The following REXO1 variants were observed in gnomAD, a reference collection of about 807,000 sequenced individuals.
The protein encoded by REXO1 is REX1, RNA exonuclease 1 homolog.
A neutral mutation model predicts 102.6 loss-of-function variants in REXO1; 42 were observed. That is an observed-to-expected ratio of 0.41 (90% CI 0.32 to 0.53). REXO1 has a LOEUF of 0.53. REXO1 is among the 20% of genes least tolerant of loss of function. The pLI is 0.27. For synonymous variants in REXO1, 908 were observed against 779.1 expected (o/e 1.17, Z -2.76); for missense variants, 1,819 against 1,732.5 (o/e 1.05, Z -0.89).
rs3841563 is a variant in REXO1, at chr19:1,817,156, C to CCAGATGGGGT, written c.3201+62_3201+63insACCCCATCTG. 1.0e-4 allele frequency: 163 copies of CCAGATGGGGT among 1,586,446 alleles called. 1 individual carries two copies. In the Admixed American group the frequency reaches 2.5e-3, roughly 24 times the overall value. On this transcript the variant is annotated intron_variant, in intron 12 of 15. Transcript: ENST00000170168. ...CAGGCCCAGATGGGGCCAGATGGGG[C>CCAGATGGGGT]GGCCGCACCAGGCCAGGTCCTCCCC...
intron 1 of REXO1, among the ~76,000 whole-genome samples, chr19:1,842,893 G>A (rs542317513): frequency 1.0e-3 from 152 of 152,342 alleles, no homozygotes; most frequent in African/African-American, 3.5e-3. Flanking sequence ...GTGGCAACAC[G>A]GACAGGCCCC....
chr19:1,830,837 C>A (rs1171070145), intron 1 of REXO1: 1 of 166,222 alleles, frequency 6.0e-6, no homozygotes, highest in East Asian at 1.9e-4. Context: ...CCGCACAGGG[C>A]AGGTACAGAT....
chr19:1,836,021 G>A (rs1327728753), intron 1 of REXO1, among the ~76,000 whole-genome samples: 5 of 152,220 alleles, frequency 3.3e-5, no homozygotes, highest in Admixed American at 2.0e-4. Flanking sequence ...TCTTCCCAGG[G>A]TTCTAGGTGT....
chr19:1,818,377 TGGAG>T (rs2069432269), intron 10 of REXO1, 101 bp downstream of exon 10: 7 of 819,968 alleles, frequency 8.5e-6, no homozygotes, highest in Non-Finnish European at 1.4e-5. Context: ...CTGAGTGGGA[TGGAG>T]GGCCTGGGTA....
chr19:1,827,121 G>A lies in REXO1; in HGVS notation c.1668C>T (p.Ser556=), dbSNP rs771414756. Residue 556 remains serine (S), a synonymous_variant, in exon 2 of 16, where the codon TCC becomes TCT. Coordinates refer to ENST00000170168, the MANE Select transcript of REXO1 (RefSeq NM_020695.4). ...CCTGCGCCTCCGGGAAGCCCAGGCT[G>A]GAGTCTGAGTCGGAGTCTGAGTCCG... ...LSSDSDSDSD[S]SLGFPEAQGP... The A allele has an allele frequency of 4.0e-5, 61 of 1,542,318 alleles. No individual in the cohort carries two copies. The Middle Eastern group carries it at 1.0e-3, about 26-fold the overall frequency.
In REXO1 at chr19:1,827,179, C is replaced by T. The variant is rs1361070071; in HGVS notation, c.1610G>A (p.Ser537Asn). 3.9e-6 allele frequency: 6 copies of T among 1,540,982 alleles called. No homozygotes were observed. In the African/African-American group the frequency reaches 6.8e-5, roughly 18 times the overall value. The part of the protein sequence containing the change: ...EDEAAGPGVP[S>N]VWPSALPSLS... ...GCTGGGGAGGGCAGAGGGCCACACG[C>T]TCGGCACCCCTGGCCCTGCGGCCTC... Residue 537 changes from serine to asparagine, a missense_variant, in exon 2 of 16, where the codon AGC (serine) becomes AAC (asparagine). Coordinates refer to ENST00000170168, the MANE Select transcript of REXO1 (RefSeq NM_020695.4).
At chr19:1,838,649 G>A (rs539950958) in intron 1 of REXO1, among the ~76,000 whole-genome samples, 202 of 147,782 alleles carry the variant, frequency 1.4e-3, no homozygotes, top group Middle Eastern at 0.01. Flanking sequence ...TGGGTGACAG[G>A]GCGAGACTCC....
At position 1,828,397 on chromosome 19, in the gene REXO1, C is replaced by A. The variant is rs371908187; in HGVS notation, c.392G>T (p.Gly131Val). ...GCCCACAGTGGGGCTGGCGTTGGGG[C>A]CGCGGGGCGCCAGGGCGGGGGCCTC... ...SAEAPALAPR[G>V]PNASPTVGPD... The change falls in exon 2 of 16, where the codon GGC (glycine) becomes GTC (valine). Residue 131 changes from glycine (G) to valine (V), a missense_variant. By Grantham distance (109) the Gly-to-Val change is moderately radical. Coordinates refer to ENST00000170168, the MANE Select transcript of REXO1 (RefSeq NM_020695.4). The A allele has an allele frequency of 1.2e-6, 2 of 1,607,230 alleles. No individual in the cohort carries two copies. Among genetic ancestry groups the A allele is most frequent in the Non-Finnish European group, 8.5e-7 (1 of 1,177,070 alleles).
chr19:1,837,516 C>A (rs1303800769), intron 1 of REXO1, among the ~76,000 whole-genome samples: 2 of 152,220 alleles, frequency 1.3e-5, no homozygotes, highest in African/African-American at 4.8e-5. Flanking sequence ...CCAGCCAGTG[C>A]CGGGGGCCTG....
rs1325100642 is a variant in REXO1, at chr19:1,821,214, G to A, written c.2394+305C>T. Among the ~76,000 whole-genome samples, 8 of 151,254 alleles carry A rather than the reference G, an allele frequency of 5.3e-5. No individual in the cohort carries two copies. The East Asian group carries it at 5.9e-4, about 11-fold the overall frequency. ...TACAAAAACAGCCAGGCGTGGTGGC[G>A]GGCGCCTGTAGTCCCAGCTACTCAG... is the stretch of plus-strand genomic sequence containing the variant. On this transcript the variant is annotated intron_variant, in intron 5 of 15. Transcript: ENST00000170168.
At chr19:1,818,643 C>A (rs2069441148) in intron 9 of REXO1, 48 bp from the exon 10 acceptor site, 1 of 1,607,944 alleles carries the variant, frequency 6.2e-7, no homozygotes. Flanking sequence ...CTGGGGCCCG[C>A]ATGCCCGGCC....
In REXO1 at chr19:1,830,370, A is replaced by T. The variant is rs563697796; in HGVS notation, c.158-1739T>A. Among the ~76,000 whole-genome samples, 11 of 152,318 alleles carry T rather than the reference A, an allele frequency of 7.2e-5. No individual in the cohort carries two copies. In the South Asian group the frequency reaches 2.1e-3, roughly 29 times the overall value. The stretch of plus-strand genomic sequence containing the variant: ...AAAAATACTTAAAAATAAGCTGAGC[A>T]TGGTGATGCACACCTGTGCTCCTAG... On this transcript the variant is annotated intron_variant, in intron 1 of 15. Transcript: ENST00000170168.
At chr19:1,839,192 T>C (rs930856226) in intron 1 of REXO1, among the ~76,000 whole-genome samples, 5 of 151,236 alleles carry the variant, frequency 3.3e-5, no homozygotes, top group Admixed American at 6.6e-5. Context: ...GCAGCGGAAG[T>C]TGCAGTGAGC....
intron 1 of REXO1, chr19:1,830,708 G>A (rs548480081): frequency 2.3e-4 from 55 of 242,704 alleles, no homozygotes; most frequent in South Asian, 1.7e-3. Flanking sequence ...TCCCTTGCCC[G>A]TCACTGAGGG....
chr19:1,815,656 A>G lies in REXO1; in HGVS notation c.*410T>C. On this transcript the variant is annotated 3_prime_UTR_variant, in exon 16 of 16. Transcript: ENST00000170168. The surrounding 1 kb of genome is among the most constrained non-coding windows in gnomAD (Gnocchi z 4.0). ...TTAAATTAAAAATAATAAAAATAAC[A>G]ATACAAAATAAAAAAAGACTGTCTC... 3 of 1,210,092 alleles carry G rather than the reference A, an allele frequency of 2.5e-6. No individual in the cohort carries two copies. Among genetic ancestry groups the G allele is most frequent in the South Asian group, 3.4e-5 (2 of 58,806 alleles). 75.0% of individuals were successfully genotyped at this position (1,210,092 alleles called of 1,614,324 possible).
At chr19:1,844,777 T>C (rs1211375196) in intron 1 of REXO1, among the ~76,000 whole-genome samples, 1 of 152,214 alleles carries the variant, frequency 6.6e-6, no homozygotes, top group Non-Finnish European at 1.5e-5. Flanking sequence ...CTTTGCAGTA[T>C]AGGATGGCCC....
intron 1 of REXO1, among the ~76,000 whole-genome samples, chr19:1,838,284 T>G (rs2070099438): frequency 7.1e-6 from 1 of 140,424 alleles, no homozygotes; most frequent in Non-Finnish European, 1.5e-5. Context: ...GCCACCGCAC[T>G]CCAGCCTGGG....
chr19:1,827,955 G>A lies in REXO1; in HGVS notation c.834C>T (p.Pro278=). The A allele has an allele frequency of 6.2e-7, 1 of 1,613,728 alleles. No individual in the cohort carries two copies. Among genetic ancestry groups the A allele is most frequent in the Admixed American group, 1.7e-5 (1 of 60,020 alleles). The change falls in exon 2 of 16, where the codon CCC becomes CCT. Residue 278 remains proline (P), a synonymous_variant. Coordinates refer to ENST00000170168, the MANE Select transcript of REXO1 (RefSeq NM_020695.4). Reference sequence around the variant, plus strand: ...AGAACCTTGCATCGCAACTGCCAAAGGGGTCACAGAGCTTCTTGGGAGCAG... The same window carrying A: ...AGAACCTTGCATCGCAACTGCCAAAAGGGTCACAGAGCTTCTTGGGAGCAG... ...YTPAPKKLCD[P]FGSCDARFSD...
At chr19:1,823,423 G>T in intron 4 of REXO1, 149 bp downstream of exon 4, 1 of 465,486 alleles carries the variant, frequency 2.1e-6, no homozygotes, top group Non-Finnish European at 3.5e-6. Context: ...TTCACAGACA[G>T]GCAGGCTGAG....
Sources: allele counts gnomAD v4.1 joint callset (sites outside exome capture counted in the v4.1 genomes callset), GRCh38; gene constraint gnomAD v4.1.1; non-coding constraint Gnocchi (gnomAD v3.1); transcripts MANE v1.5; gene names NCBI Gene and HGNC (gene_info 2026-07-23, HGNC 2026-07-21).